Variants in PDZRN3 observed in about 807,000 individuals in gnomAD.
PDZRN3 encodes the protein PDZ domain containing ring finger 3, also known as E3 ubiquitin-protein ligase PDZRN3.
PDZRN3 carries 38 observed loss-of-function variants against 85.7 expected under a neutral mutation model. That is an observed-to-expected ratio of 0.44 (90% CI 0.34 to 0.58). PDZRN3 has a LOEUF of 0.58. PDZRN3 is among the 20% of genes least tolerant of loss of function. PDZRN3 has a pLI of 0.01. For synonymous variants in PDZRN3, 759 were observed against 638.0 expected (o/e 1.19, Z -2.86); for missense variants, 1,629 against 1,506.4 (o/e 1.08, Z -1.35).
intron 3 of PDZRN3, among the ~76,000 whole-genome samples, chr3:73,572,057 T>C (rs1034831756): frequency 2.6e-5 from 4 of 152,222 alleles, no homozygotes; most frequent in African/African-American, 9.6e-5. Context: ...AAAAAGGTCT[T>C]AAAAATCATT....
In PDZRN3 at chr3:73,436,486, C is replaced by G. The variant is rs146439680; in HGVS notation, c.919-32091G>C. 2.1e-3 allele frequency among the ~76,000 whole-genome samples: 319 copies of G among 152,280 alleles called. 3 individuals are homozygous for G. The highest frequency in any genetic ancestry group is 7.3e-3 in the African/African-American group (303 of 41,564). ...TGCAATCACGGTTGGCTCTCCTCCC[C>G]CAAAGTTGAGGGCCTTTAAGTTATG... is the stretch of plus-strand genomic sequence containing the variant. On this transcript the variant is annotated intron_variant, in intron 3 of 9. Transcript: ENST00000263666.
intron 1 of PDZRN3, among the ~76,000 whole-genome samples, chr3:73,611,985 G>A (rs968992227): frequency 1.3e-5 from 2 of 152,168 alleles, no homozygotes; most frequent in Non-Finnish European, 2.9e-5. Context: ...TATCGAAGCT[G>A]CTTTCCCGAC....
intron 3 of PDZRN3, among the ~76,000 whole-genome samples, chr3:73,593,074 T>C (rs943836867): frequency 1.4e-4 from 20 of 146,670 alleles, no homozygotes; most frequent in Admixed American, 1.4e-4. Context: ...CAGCAACAGA[T>C]GAAAAGACAA....
intron 3 of PDZRN3, among the ~76,000 whole-genome samples, chr3:73,430,171 A>G (rs1281375634): frequency 6.6e-6 from 1 of 152,212 alleles, no homozygotes; most frequent in East Asian, 1.9e-4. Context: ...AATAGGGATG[A>G]CAGTATCACC....
chr3:73,474,590 G>GCGAT (rs1703412792), intron 3 of PDZRN3: 1 of 1,276,108 alleles, frequency 7.8e-7, no homozygotes, highest in East Asian at 5.6e-5. Context: ...CAGTTTCATT[G>GCGAT]CGATCTAAGC....
intron 5 of PDZRN3, among the ~76,000 whole-genome samples, chr3:73,391,922 G>T (rs1026979562): frequency 2.0e-5 from 3 of 152,114 alleles, no homozygotes; most frequent in Admixed American, 2.0e-4. Context: ...AAGTTCTCCG[G>T]TAGATCCTTT....
rs940844261 is a variant in PDZRN3 at position 73,575,947 on chromosome 3, A to G, written c.918+26407T>C. On this transcript the variant is annotated intron_variant, in intron 3 of 9. Coordinates refer to ENST00000263666, the MANE Select transcript of PDZRN3 (RefSeq NM_015009.3). Reference sequence around the variant, plus strand: ...CACACAATTTGGAAGTTCAGGAGAAATATCATAGAAAGAGAGACAGAGAGG... The same window carrying G: ...CACACAATTTGGAAGTTCAGGAGAAGTATCATAGAAAGAGAGACAGAGAGG... 2.0e-5 allele frequency among the ~76,000 whole-genome samples: 3 copies of G among 152,206 alleles called. No individual in the cohort carries two copies. In the South Asian group the frequency reaches 6.2e-4, roughly 31 times the overall value.
At chr3:73,508,506 G>A (rs778927686) in intron 3 of PDZRN3, among the ~76,000 whole-genome samples, 1 of 152,142 alleles carries the variant, frequency 6.6e-6, no homozygotes, top group Non-Finnish European at 1.5e-5. Context: ...CCTCCAACTG[G>A]GACCTGCCGT....
chr3:73,575,386 G>A (rs1236275237), intron 3 of PDZRN3, among the ~76,000 whole-genome samples: 1 of 152,088 alleles, frequency 6.6e-6, no homozygotes, highest in Non-Finnish European at 1.5e-5. Context: ...ACTAACATGT[G>A]CCACAAGCTC....
At chr3:73,436,470 G>T (rs1005118112) in intron 3 of PDZRN3, among the ~76,000 whole-genome samples, 1 of 152,156 alleles carries the variant, frequency 6.6e-6, no homozygotes, top group African/African-American at 2.4e-5. Context: ...TTGCAATCAC[G>T]GTTGGCTCTC....
At chr3:73,496,170 G>A (rs572042301) in intron 3 of PDZRN3, among the ~76,000 whole-genome samples, 7 of 151,632 alleles carry the variant, frequency 4.6e-5, no homozygotes, top group African/African-American at 9.7e-5. Flanking sequence ...ATGCACACAC[G>A]GTATATACAG....
chr3:73,401,294 T>G (rs185074393), intron 4 of PDZRN3, among the ~76,000 whole-genome samples: 213 of 152,350 alleles, frequency 1.4e-3, no homozygotes, highest in Non-Finnish European at 2.3e-3. Flanking sequence ...AGTCACGTGA[T>G]TCAGCGTGAC....
chr3:73,604,244 C>T (rs1308021864), intron 2 of PDZRN3, among the ~76,000 whole-genome samples: 1 of 152,210 alleles, frequency 6.6e-6, no homozygotes. Context: ...TAGCTCCCTA[C>T]ATGCACACCT....
At chr3:73,440,264 G>C (rs1043203095) in intron 3 of PDZRN3, among the ~76,000 whole-genome samples, 15 of 152,138 alleles carry the variant, frequency 9.9e-5, no homozygotes, top group Admixed American at 4.6e-4. Context: ...CTGGGAAGGG[G>C]AGCAAGGCAG....
chr3:73,578,088 T>C (rs1702149895), intron 3 of PDZRN3, among the ~76,000 whole-genome samples: 1 of 152,108 alleles, frequency 6.6e-6, no homozygotes, highest in South Asian at 2.1e-4. Context: ...TTTACTAAAC[T>C]CTCTGATGGA....
intron 3 of PDZRN3, among the ~76,000 whole-genome samples, chr3:73,515,500 G>T (rs1281560574): frequency 6.6e-6 from 1 of 152,138 alleles, no homozygotes; most frequent in Non-Finnish European, 1.5e-5. Flanking sequence ...TAAACACCTA[G>T]AAATAAATGT....
intron 3 of PDZRN3, among the ~76,000 whole-genome samples, chr3:73,558,002 A>G (rs927448111): frequency 1.3e-5 from 2 of 152,152 alleles, no homozygotes; most frequent in Middle Eastern, 3.2e-3. Context: ...ACTTTGTCAC[A>G]TATTTTCCTG....
At chr3:73,562,236 TA>T (rs112223559) in intron 3 of PDZRN3, among the ~76,000 whole-genome samples, 1,628 of 152,026 alleles carry the variant, frequency 0.011, 28 homozygotes, top group African/African-American at 0.037. Flanking sequence ...GTCCCACAGA[TA>T]AAAAAAGAGT....
intron 3 of PDZRN3, among the ~76,000 whole-genome samples, chr3:73,487,186 A>G (rs2106648891): frequency 6.6e-6 from 1 of 152,292 alleles, no homozygotes; most frequent in Admixed American, 6.5e-5. Flanking sequence ...CTCTAAATTT[A>G]TAGGTATTTC....
Sources: allele counts gnomAD v4.1 joint callset (sites outside exome capture counted in the v4.1 genomes callset), GRCh38; gene constraint gnomAD v4.1.1; transcripts MANE v1.5; gene names NCBI Gene and HGNC (gene_info 2026-07-23, HGNC 2026-07-21).